The following ZNF407 variants were observed in gnomAD, a reference collection of about 807,000 sequenced individuals.
The protein encoded by ZNF407 is zinc finger protein 407.
A neutral mutation model predicts 131.2 loss-of-function variants in ZNF407; 17 were observed. The observed-to-expected ratio is 0.13, with a 90% confidence interval of 0.09 to 0.19. The LOEUF (loss-of-function observed/expected upper bound fraction) is 0.19, where lower values mean the gene tolerates loss of function less well. Ranked by LOEUF, ZNF407 falls within the 10% of genes least tolerant of loss-of-function variation. ZNF407 has a pLI of 1.00. For synonymous variants in ZNF407, 1,156 were observed against 1,062.0 expected, an observed-to-expected ratio of 1.09 and a Z score of -1.72; for missense variants, 2,681 against 2,830.6, an observed-to-expected ratio of 0.95 and a Z score of 1.20.
intron 6 of ZNF407, among the ~76,000 whole-genome samples, chr18:74,886,541 G>T (rs572504319): frequency 6.6e-6 from 1 of 152,130 alleles, no homozygotes; most frequent in Admixed American, 6.5e-5. Flanking sequence ...TGGTACACCC[G>T]TATAATGGAA....
At chr18:74,844,265 C>T (rs766651795) in intron 4 of ZNF407, among the ~76,000 whole-genome samples, 6 of 152,142 alleles carry the variant, frequency 3.9e-5, no homozygotes, top group South Asian at 2.1e-4. Flanking sequence ...CCTGAGTTTC[C>T]GCAGTTGGAC....
chr18:74,982,576 G>T (rs12969991), intron 8 of ZNF407, among the ~76,000 whole-genome samples: 25,159 of 152,160 alleles, frequency 0.17, 2,295 homozygotes, highest in Admixed American at 0.28. Flanking sequence ...TACTCATCAG[G>T]GATGCAGCTA....
intron 8 of ZNF407, among the ~76,000 whole-genome samples, chr18:74,942,112 A>AGT (rs1412152722): frequency 5.9e-5 from 9 of 152,184 alleles, no homozygotes; most frequent in Non-Finnish European, 1.3e-4. Context: ...CAAACCATTT[A>AGT]GTGCCATGCA....
At chr18:74,685,369 C>A (rs1337071979) in intron 3 of ZNF407, among the ~76,000 whole-genome samples, 1 of 152,202 alleles carries the variant, frequency 6.6e-6, no homozygotes, top group African/African-American at 2.4e-5. Context: ...CACCATCTAT[C>A]CTGGCATCCC....
chr18:74,960,757 G>C (rs1239907028), intron 8 of ZNF407, among the ~76,000 whole-genome samples: 2 of 147,878 alleles, frequency 1.4e-5, no homozygotes, highest in African/African-American at 2.5e-5. Flanking sequence ...AGAAGGTCCT[G>C]AGTGAGGACT....
chr18:74,930,775 T>C (rs571349885), intron 8 of ZNF407, among the ~76,000 whole-genome samples: 39 of 152,322 alleles, frequency 2.6e-4, no homozygotes, highest in African/African-American at 9.1e-4. Context: ...CCCCATCCTT[T>C]TAGAGACATC....
intron 3 of ZNF407, among the ~76,000 whole-genome samples, chr18:74,676,096 ATTT>A (rs879797829): frequency 6.8e-6 from 1 of 147,526 alleles, no homozygotes; most frequent in African/African-American, 2.5e-5. Flanking sequence ...TCCTCTTAGA[ATTT>A]TTTTTTTTTG....
In ZNF407 at chr18:74,994,277, A is replaced by C. The variant is rs533096678; in HGVS notation, c.5429-68873A>C. The stretch of plus-strand genomic sequence containing the variant: ...TGTGTATATATAGAAAGAGTAGATA[A>C]ATGCTGTAAAACATTTACAATGAGA... On this transcript the variant is annotated intron_variant, in intron 8 of 8. Transcript: ENST00000299687. Among the ~76,000 whole-genome samples, 61 of 152,348 alleles carry C rather than the reference A, an allele frequency of 4.0e-4. 1 individual carries two copies. The highest frequency in any genetic ancestry group is 4.1e-4 in the Non-Finnish European group (28 of 68,030).
intron 3 of ZNF407, among the ~76,000 whole-genome samples, chr18:74,771,981 G>T (rs1969371800): frequency 6.6e-6 from 1 of 152,106 alleles, no homozygotes; most frequent in East Asian, 1.9e-4. Context: ...TATTTCAGTA[G>T]TAGTTTCATT....
intron 8 of ZNF407, among the ~76,000 whole-genome samples, chr18:75,010,513 T>C (rs1972961625): frequency 6.6e-6 from 1 of 152,178 alleles, no homozygotes; most frequent in Non-Finnish European, 1.5e-5. Context: ...GCTAAGCATA[T>C]GCCAGGCACG....
At chr18:74,825,416 A>G (rs1182386232) in intron 4 of ZNF407, among the ~76,000 whole-genome samples, 1 of 152,222 alleles carries the variant, frequency 6.6e-6, no homozygotes, top group Admixed American at 6.5e-5. Context: ...CTGTTTGCAG[A>G]TGACATGATT....
intron 3 of ZNF407, among the ~76,000 whole-genome samples, chr18:74,641,468 T>G (rs1984713818): frequency 6.6e-6 from 1 of 151,586 alleles, no homozygotes; most frequent in Non-Finnish European, 1.5e-5. Flanking sequence ...TGTATATGTA[T>G]TTTTTTTTCT....
chr18:75,000,302 C>G (rs1375391384), intron 8 of ZNF407, among the ~76,000 whole-genome samples: 2 of 152,222 alleles, frequency 1.3e-5, no homozygotes. Context: ...TAACATGCTA[C>G]AGTCCTAGCA....
rs561718155 is a variant in ZNF407, at chr18:74,877,434, C to G, written c.5044+71C>G. 5 of 1,373,212 alleles carry G rather than the reference C, an allele frequency of 3.6e-6. No individual in the cohort carries two copies. The East Asian group carries it at 1.2e-4, about 32-fold the overall frequency. 85.1% of individuals were successfully genotyped at this position (1,373,212 alleles called of 1,614,324 possible). On this transcript the variant is annotated intron_variant, in intron 5 of 8. Coordinates refer to ENST00000299687, the MANE Select transcript of ZNF407 (RefSeq NM_017757.3). ...ACTGGGTGGACTGTGGGAACAGAGG[C>G]ATTAATTATCCCATCTTCATAGTAA...
chr18:74,862,881 G>A lies in ZNF407; in HGVS notation c.4878-14316G>A, dbSNP rs370380344. Among the ~76,000 whole-genome samples, 367 of 150,656 alleles carry A rather than the reference G, an allele frequency of 2.4e-3. 5 individuals carry two copies. Among genetic ancestry groups the A allele is most frequent in the African/African-American group, 7.7e-3 (317 of 41,162 alleles). ...GTAATTAAAATGTGTTAATATTTTT[G>A]CCTGTGTTCCCCAGAGGAAAAGTTT... On this transcript the variant is annotated intron_variant, in intron 4 of 8. Coordinates refer to ENST00000299687, the MANE Select transcript of ZNF407 (RefSeq NM_017757.3).
chr18:74,986,797 T>C (rs1411446349), intron 8 of ZNF407, among the ~76,000 whole-genome samples: 1 of 152,198 alleles, frequency 6.6e-6, no homozygotes, highest in African/African-American at 2.4e-5. Context: ...GAATGAAGAA[T>C]ATGCCGTATC....
At chr18:74,815,064 ATAAAT>A (rs1174781367) in intron 4 of ZNF407, among the ~76,000 whole-genome samples, 2 of 152,106 alleles carry the variant, frequency 1.3e-5, no homozygotes, top group Non-Finnish European at 2.9e-5. Context: ...GTATAACAAT[ATAAAT>A]TAAACAAAAT....
intron 1 of ZNF407, among the ~76,000 whole-genome samples, chr18:74,608,295 C>CATTGT: frequency 6.6e-6 from 1 of 152,004 alleles, no homozygotes; most frequent in Middle Eastern, 3.4e-3. Flanking sequence ...CAGTATCCCA[C>CATTGT]ATTGTATTTT....
intron 8 of ZNF407, among the ~76,000 whole-genome samples, chr18:74,994,672 A>G (rs1191938840): frequency 1.3e-5 from 2 of 152,220 alleles, no homozygotes. Context: ...GGAGTATTAC[A>G]GTGCAGTTCA....
Sources: allele counts gnomAD v4.1 joint callset (sites outside exome capture counted in the v4.1 genomes callset), GRCh38; gene constraint gnomAD v4.1.1; transcripts MANE v1.5; gene names NCBI Gene and HGNC (gene_info 2026-07-23, HGNC 2026-07-21).